EYS: variants seen among roughly 807,000 people sequenced by gnomAD.
EYS encodes EGF-like photoreceptor maintenance factor, also known as protein eyes shut homolog.
EYS carries 250 observed loss-of-function variants against 282.1 expected under a neutral mutation model. That is an observed-to-expected ratio of 0.89 (90% CI 0.80 to 0.98). EYS has a LOEUF of 0.98. Among genes scored for constraint, EYS ranks in the 50% least tolerant of loss-of-function variants. EYS has a pLI of 0.00. For missense variants in EYS, 4,016 were observed against 3,709.0 expected, an observed-to-expected ratio of 1.08 and a Z score of -2.15; for synonymous variants, 1,355 against 1,282.9, an observed-to-expected ratio of 1.06 and a Z score of -1.20.
chr6:65,106,782 T>A (rs1265583537), intron 12 of EYS, among the ~76,000 whole-genome samples: 5 of 152,138 alleles, frequency 3.3e-5, no homozygotes, highest in Admixed American at 1.3e-4. Context: ...CATAGGTCTT[T>A]ACATGTAAAA....
At chr6:64,125,329 G>A (rs1381767440) in intron 31 of EYS, among the ~76,000 whole-genome samples, 1 of 152,050 alleles carries the variant, frequency 6.6e-6, no homozygotes, top group East Asian at 1.9e-4. Flanking sequence ...AGTGGATGGA[G>A]TTAGACTGAA....
intron 37 of EYS, among the ~76,000 whole-genome samples, chr6:63,805,135 GAGAA>G (rs1252774832): frequency 1.3e-5 from 2 of 152,178 alleles, no homozygotes; most frequent in African/African-American, 4.8e-5. Flanking sequence ...TGACAGCTGA[GAGAA>G]AGGTCTTTTT....
chr6:64,524,439 G>A (rs1262054970), intron 26 of EYS, among the ~76,000 whole-genome samples: 1 of 151,766 alleles, frequency 6.6e-6, no homozygotes, highest in Non-Finnish European at 1.5e-5. Flanking sequence ...TATTTCCTCT[G>A]TAGATAGTTT....
At chr6:65,332,242 T>C (rs895557387) in intron 11 of EYS, 1 of 614,358 alleles carries the variant, frequency 1.6e-6, no homozygotes, top group Middle Eastern at 2.8e-4. Context: ...TTTCTCCATC[T>C]ACATTATCAT....
intron 26 of EYS, among the ~76,000 whole-genome samples, chr6:64,577,046 T>C (rs1385088846): frequency 1.3e-5 from 2 of 152,052 alleles, no homozygotes; most frequent in Non-Finnish European, 2.9e-5. Context: ...GTGATGCAGC[T>C]ACAAGTCAAG....
chr6:65,302,868 G>A, intron 11 of EYS: 1 of 1,613,826 alleles, frequency 6.2e-7, no homozygotes, highest in Non-Finnish European at 8.5e-7. Context: ...GTGAAGGCTA[G>A]CCAACTTTCA....
intron 2 of EYS, among the ~76,000 whole-genome samples, chr6:65,574,929 T>C (rs376276659): frequency 1.9e-4 from 29 of 152,236 alleles, no homozygotes; most frequent in African/African-American, 4.1e-4. Context: ...TTTTTGACCA[T>C]AGTGTTATGA....
At chr6:65,123,758 C>CCACACACACA (rs34701707) in intron 12 of EYS, among the ~76,000 whole-genome samples, 11 of 147,096 alleles carry the variant, frequency 7.5e-5, no homozygotes, top group Non-Finnish European at 1.7e-4. Context: ...ACCCACCCAC[C>CCACACACACA]CACACACACA....
chr6:63,863,663 CTTTTCTTTTTTCTTT>C (rs1772593868), intron 36 of EYS, among the ~76,000 whole-genome samples: 3 of 55,790 alleles, frequency 5.4e-5, no homozygotes, highest in Non-Finnish European at 7.6e-5. Flanking sequence ...CTTTTCTTTT[CTTTTCTTTTTTCTTT>C]TTTTTTTTTT....
At chr6:64,293,225 A>T (rs1768778816) in intron 30 of EYS, among the ~76,000 whole-genome samples, 1 of 152,146 alleles carries the variant, frequency 6.6e-6, no homozygotes, top group African/African-American at 2.4e-5. Flanking sequence ...AGCCAAATAC[A>T]TGTATGTGTA....
intron 22 of EYS, among the ~76,000 whole-genome samples, chr6:64,727,169 T>C (rs1372239827): frequency 6.6e-6 from 1 of 152,220 alleles, no homozygotes; most frequent in African/African-American, 2.4e-5. Context: ...CATCAAGCTA[T>C]CGATACGCTC....
intron 19 of EYS, among the ~76,000 whole-genome samples, chr6:64,883,724 C>A (rs1319060267): frequency 2.6e-5 from 4 of 151,490 alleles, no homozygotes; most frequent in Non-Finnish European, 5.9e-5. Context: ...CACTGCAAAT[C>A]TACTGATAAA....
At chr6:64,680,860 T>G (rs1220841297) in intron 22 of EYS, among the ~76,000 whole-genome samples, 2 of 152,158 alleles carry the variant, frequency 1.3e-5, no homozygotes, top group East Asian at 3.9e-4. Context: ...AAAACAGAGT[T>G]CCCAAACCCT....
intron 1 of EYS, among the ~76,000 whole-genome samples, chr6:65,646,372 C>T (rs190293183): frequency 6.6e-6 from 1 of 152,154 alleles, no homozygotes; most frequent in East Asian, 1.9e-4. Flanking sequence ...GGTTTAATAT[C>T]TGCAAGTCAA....
intron 26 of EYS, among the ~76,000 whole-genome samples, chr6:64,531,056 T>C (rs1340119538): frequency 1.3e-5 from 2 of 152,200 alleles, no homozygotes; most frequent in Non-Finnish European, 2.9e-5. Flanking sequence ...GAAATTGAGT[T>C]CTCATGCTAT....
intron 35 of EYS, among the ~76,000 whole-genome samples, chr6:63,901,034 G>C (rs992655729): frequency 2.0e-5 from 3 of 152,316 alleles, no homozygotes; most frequent in Admixed American, 2.0e-4. Flanking sequence ...TATAGAAGTC[G>C]TCAGTAGAAA....
chr6:65,040,005 G>C (rs1373462652), intron 13 of EYS, among the ~76,000 whole-genome samples: 1 of 151,614 alleles, frequency 6.6e-6, no homozygotes, highest in Non-Finnish European at 1.5e-5. Context: ...CGGATCTTAA[G>C]AGACTTGCAC....
chr6:65,484,777 T>C (rs1002343524), intron 5 of EYS, among the ~76,000 whole-genome samples: 7 of 152,220 alleles, frequency 4.6e-5, no homozygotes, highest in African/African-American at 1.7e-4. Flanking sequence ...ATGTTCTTGC[T>C]ATAGAGGTTT....
chr6:64,297,768 A>C (rs970253853), intron 30 of EYS, among the ~76,000 whole-genome samples: 4 of 152,146 alleles, frequency 2.6e-5, no homozygotes, highest in African/African-American at 9.7e-5. Flanking sequence ...ACCTGAGGTC[A>C]GGTGCTTGAG....
Sources: allele counts gnomAD v4.1 joint callset (sites outside exome capture counted in the v4.1 genomes callset), GRCh38; gene constraint gnomAD v4.1.1; transcripts MANE v1.5; gene names NCBI Gene and HGNC (gene_info 2026-07-23, HGNC 2026-07-21).